KIAA1549: variants seen among roughly 807,000 people sequenced by gnomAD.
KIAA1549 encodes KIAA1549.
A neutral mutation model predicts 156.4 loss-of-function variants in KIAA1549; 70 were observed. That is an observed-to-expected ratio of 0.45 (90% CI 0.37 to 0.55). The LOEUF is 0.55. Among genes scored for constraint, KIAA1549 ranks in the 20% least tolerant of loss-of-function variants. The probability of loss-of-function intolerance (pLI) is 0.00; values close to 1 mark genes in which losing one functional copy is unlikely to be tolerated. For synonymous variants in KIAA1549, 1,103 were observed against 1,066.4 expected, an observed-to-expected ratio of 1.03 and a Z score of -0.67; for missense variants, 2,428 against 2,540.9, an observed-to-expected ratio of 0.96 and a Z score of 0.96.
In KIAA1549 at chr7:138,871,208, C is replaced by G. The variant is rs765965449; in HGVS notation, c.4500G>C (p.Gln1500His). 1 of 1,613,398 alleles carries G rather than the reference C, an allele frequency of 6.2e-7. No homozygotes were observed. The highest frequency in any genetic ancestry group is 8.5e-7 in the Non-Finnish European group (1 of 1,179,878). The part of the protein sequence containing the change: ...AMQPIPAPPV[Q>H]RPSPADRVAE... ...CCACTCGGTCGGCTGGGGAGGGGCG[C>G]TGGACGGGAGGTGCCGGGATCGGCT... Residue 1500 changes from glutamine (Q) to histidine (H), a missense_variant, in exon 13 of 20, where the codon CAG (glutamine) becomes CAC (histidine). Coordinates refer to ENST00000422774, the MANE Select transcript of KIAA1549 (RefSeq NM_001164665.2).
chr7:138,889,908 T>C (rs1175829019), intron 10 of KIAA1549, among the ~76,000 whole-genome samples: 2 of 152,244 alleles, frequency 1.3e-5, no homozygotes, highest in Admixed American at 1.3e-4. Flanking sequence ...TTTTTCTAGT[T>C]TCTCCACTTC....
Position 138,833,841 on chromosome 7 carries a change from A to G in KIAA1549, c.*4065T>C, listed in dbSNP as rs1809618626. The G allele has an allele frequency of 8.6e-6, 2 of 233,154 alleles. No individual in the cohort carries two copies. Among genetic ancestry groups the G allele is most frequent in the East Asian group, 1.2e-4 (2 of 16,556 alleles). 14.4% of individuals were successfully genotyped at this position (233,154 alleles called of 1,614,324 possible). ...GAGTACTTCCTCTGTAGATCTTCAC[A>G]GCCCTGGTCGTTTCCTTGCTGCATG... On this transcript the variant is annotated 3_prime_UTR_variant, in exon 20 of 20. Transcript: ENST00000422774.
chr7:138,972,225 A>T (rs1222672249), intron 1 of KIAA1549, among the ~76,000 whole-genome samples: 1 of 152,024 alleles, frequency 6.6e-6, no homozygotes, highest in Non-Finnish European at 1.5e-5. Flanking sequence ...CACAGAAGTT[A>T]TTCACCCCAA....
rs965650370 is a variant in KIAA1549, at chr7:138,907,113, A to G, written c.3277-11T>C. On this transcript the variant is annotated splice_polypyrimidine_tract_variant and intron_variant, in intron 5 of 19. Coordinates refer to ENST00000422774, the MANE Select transcript of KIAA1549 (RefSeq NM_001164665.2). ...GGTGATATTCAAGATCTGAAAGAATAAAGTCAGAATAAGCTTCTATAATAA... is the reference window on the plus strand; with the variant it reads ...GGTGATATTCAAGATCTGAAAGAATGAAGTCAGAATAAGCTTCTATAATAA... The G allele has an allele frequency of 1.3e-6, 2 of 1,564,538 alleles. No homozygotes were observed. Among genetic ancestry groups the G allele is most frequent in the Admixed American group, 2.0e-5 (1 of 50,570 alleles).
rs552002443 is a variant in KIAA1549 at position 138,861,307 on chromosome 7, G to A, written c.5079C>T (p.Asp1693=). 1.6e-5 allele frequency: 25 copies of A among 1,608,954 alleles called. No homozygotes were observed. Among genetic ancestry groups the A allele is most frequent in the African/African-American group, 5.3e-5 (4 of 74,828 alleles). ...ARQTMHSLLD[D]AFALVAPSSQ... Reference sequence around the variant, plus strand: ...TGCTGGGGGCCACGAGGGCAAAGGCGTCGTCCAGGAGGGAGTGCATGGTCT... The same window carrying A: ...TGCTGGGGGCCACGAGGGCAAAGGCATCGTCCAGGAGGGAGTGCATGGTCT... The change falls in exon 16 of 20, where the codon GAC becomes GAT. Residue 1693 remains aspartate (D), a synonymous_variant. Transcript: ENST00000422774.
rs1050991969 is a variant in KIAA1549, at chr7:138,928,443, C to T, written c.188-9005G>A. ...CTGAGACTATAGGCACGTGCCACCA[C>T]GCCCAGCTAATTTTTGTATTTTTAA... On this transcript the variant is annotated intron_variant, in intron 1 of 19. Coordinates refer to ENST00000422774, the MANE Select transcript of KIAA1549 (RefSeq NM_001164665.2). 3.3e-5 allele frequency among the ~76,000 whole-genome samples: 5 copies of T among 152,088 alleles called. No homozygotes were observed. In the South Asian group the frequency reaches 6.2e-4, roughly 19 times the overall value.
intron 18 of KIAA1549, among the ~76,000 whole-genome samples, chr7:138,841,180 G>C (rs1809906142): frequency 6.6e-6 from 1 of 152,200 alleles, no homozygotes. Context: ...CCATGAAGCT[G>C]AAGCCTGGCT....
intron 1 of KIAA1549, among the ~76,000 whole-genome samples, chr7:138,934,042 T>C (rs1318103600): frequency 6.6e-6 from 1 of 152,060 alleles, no homozygotes; most frequent in Non-Finnish European, 1.5e-5. Context: ...CAGGAAGTAG[T>C]GTATGGGTTT....
rs187917502 is a variant in KIAA1549 at position 138,836,026 on chromosome 7, A to G, written c.*1880T>C. 1.0e-4 allele frequency: 22 copies of G among 212,056 alleles called. No homozygotes were observed. The East Asian group carries it at 1.5e-3, about 15-fold the overall frequency. The allele number at this position is 212,056 out of a possible 1,614,324, so 13.1% of individuals were successfully genotyped here. A position where few individuals can be genotyped will look rare whatever the true frequency, so the allele number is the denominator to read the frequency against. ...GGCTTCATTAATGAAGGGCTAAAAC[A>G]TGGTTTTGAAATCCAGTGATTACAC... On this transcript the variant is annotated 3_prime_UTR_variant, in exon 20 of 20. Coordinates refer to ENST00000422774, the MANE Select transcript of KIAA1549 (RefSeq NM_001164665.2).
chr7:138,858,992 C>G (rs981371879), intron 16 of KIAA1549, among the ~76,000 whole-genome samples: 4 of 140,416 alleles, frequency 2.8e-5, no homozygotes, highest in Non-Finnish European at 6.1e-5. Flanking sequence ...GGTGACAGAG[C>G]GAGACTCCAT....
At chr7:138,952,049 C>G (rs1469967352) in intron 1 of KIAA1549, among the ~76,000 whole-genome samples, 2 of 152,196 alleles carry the variant, frequency 1.3e-5, no homozygotes, top group African/African-American at 4.8e-5. Context: ...AAAGAACACA[C>G]AGGGTGGTTA....
At chr7:138,961,964 T>C (rs547054451) in intron 1 of KIAA1549, among the ~76,000 whole-genome samples, 6 of 152,194 alleles carry the variant, frequency 3.9e-5, no homozygotes, top group South Asian at 2.1e-4. Flanking sequence ...TTTACCTGCA[T>C]GCACCTAAAC....
In KIAA1549 at chr7:138,832,307, CAGTCTT is replaced by C. The variant is rs1282853299; in HGVS notation, c.*5593_*5598del. The C allele has an allele frequency of 1.0e-5, 2 of 198,444 alleles. No individual in the cohort carries two copies. Among genetic ancestry groups the C allele is most frequent in the African/African-American group, 4.6e-5 (2 of 43,184 alleles). 12.3% of individuals were successfully genotyped at this position (198,444 alleles called of 1,614,324 possible). On this transcript the variant is annotated 3_prime_UTR_variant, in exon 20 of 20. Coordinates refer to ENST00000422774, the MANE Select transcript of KIAA1549 (RefSeq NM_001164665.2). Reference sequence around the variant, plus strand: ...CAACTCATTGGCTCAAGCGATCCTCCAGTCTTAGCCTTTCGAGTAGCTGGGACTACT... The same window carrying C: ...CAACTCATTGGCTCAAGCGATCCTCCAGCCTTTCGAGTAGCTGGGACTACT...
At chr7:138,969,121 T>C (rs905892346) in intron 1 of KIAA1549, among the ~76,000 whole-genome samples, 2 of 152,186 alleles carry the variant, frequency 1.3e-5, no homozygotes, top group African/African-American at 4.8e-5. Flanking sequence ...CTGTTGACTC[T>C]TTGTGTTCAT....
At chr7:138,840,717 C>T (rs1809890966) in intron 18 of KIAA1549, among the ~76,000 whole-genome samples, 1 of 152,152 alleles carries the variant, frequency 6.6e-6, no homozygotes, top group Non-Finnish European at 1.5e-5. Flanking sequence ...ATGCGCCACT[C>T]CTCTTTCCTG....
Position 138,910,397 on chromosome 7 carries a change from C to CTT in KIAA1549, c.3145+747_3145+748dup, listed in dbSNP as rs200459041. Reference sequence around the variant, plus strand: ...TACAAAACATAATGTTTCTTAAATTCTTTTTTTTTTTTTTTTTTGAGATAG... The same window carrying CTT: ...TACAAAACATAATGTTTCTTAAATTCTTTTTTTTTTTTTTTTTTTTGAGATAG... On this transcript the variant is annotated intron_variant, in intron 4 of 19. Coordinates refer to ENST00000422774, the MANE Select transcript of KIAA1549 (RefSeq NM_001164665.2). 1.5e-3 allele frequency among the ~76,000 whole-genome samples: 200 copies of CTT among 130,990 alleles called. 3 individuals are homozygous for CTT. The highest frequency in any genetic ancestry group is 8.7e-3 in the East Asian group (38 of 4,376). 85.9% of individuals were successfully genotyped at this position (130,990 alleles called of 152,430 possible). A position where few individuals can be genotyped will look rare whatever the true frequency, so the allele number is the denominator to read the frequency against.
At chr7:138,882,468 A>T (rs1811272469) in intron 10 of KIAA1549, among the ~76,000 whole-genome samples, 1 of 152,224 alleles carries the variant, frequency 6.6e-6, no homozygotes, top group Non-Finnish European at 1.5e-5. Flanking sequence ...GCCCCAAAGG[A>T]TGTCAGCTTG....
rs761366843 is a variant in KIAA1549 at position 138,919,073 on chromosome 7, G to C, written c.553C>G (p.Leu185Val). Residue 185 changes from leucine (L) to valine (V), a missense_variant, in exon 2 of 20, where the codon CTG becomes GTG. Physicochemically the swap from Leu to Val is conservative, Grantham distance 32 (BLOSUM62 1). This residue lies in a region of KIAA1549 where 893 missense variants were observed against 847.9 expected (regional missense o/e 1.05). Coordinates refer to ENST00000422774, the MANE Select transcript of KIAA1549 (RefSeq NM_001164665.2). ...ATAGGTTCTAATGCTTCCCTGGGCA[G>C]CCCTGGTGGGCTGACTGTGATATAC... Reference protein sequence around the residue: ...IQYITVSPPGLPREALEPMLT... With the variant: ...IQYITVSPPGVPREALEPMLT... 1 of 1,613,918 alleles carries C rather than the reference G, an allele frequency of 6.2e-7. No homozygotes were observed. Among genetic ancestry groups the C allele is most frequent in the East Asian group, 2.2e-5 (1 of 44,900 alleles).
rs188196170 is a variant in KIAA1549, at chr7:138,875,418, G to A, written c.4346-4056C>T. Among the ~76,000 whole-genome samples, 135 of 152,274 alleles carry A rather than the reference G, an allele frequency of 8.9e-4. 1 individual carries two copies. In the Middle Eastern group the frequency reaches 0.02, roughly 23 times the overall value. On this transcript the variant is annotated intron_variant, in intron 12 of 19. Transcript: ENST00000422774. ...CCAGCACTTTGGAAGGCTAAGGCAGGAGGATCGCTTGAGCCCAGGAGTTCA... is the reference window on the plus strand; with the variant it reads ...CCAGCACTTTGGAAGGCTAAGGCAGAAGGATCGCTTGAGCCCAGGAGTTCA...
Sources: allele counts gnomAD v4.1 joint callset (sites outside exome capture counted in the v4.1 genomes callset), GRCh38; gene constraint gnomAD v4.1.1; regional missense constraint gnomAD v4.1.1; transcripts MANE v1.5; gene names NCBI Gene and HGNC (gene_info 2026-07-23, HGNC 2026-07-21).